ITCH: variants seen among roughly 807,000 people sequenced by gnomAD.
ITCH encodes E3 ubiquitin-protein ligase Itchy homolog.
Under a neutral mutation model 126.8 loss-of-function variants are expected in ITCH, and 28 were observed. The ratio of observed to expected loss-of-function variants is 0.22; its 90% CI spans 0.16 to 0.30. The LOEUF is 0.30. Among genes scored for constraint, ITCH ranks in the 10% least tolerant of loss-of-function variants. ITCH has a pLI of 1.00. For missense variants in ITCH, 631 were observed against 1,032.4 expected (o/e 0.61, Z 5.33); for synonymous variants, 342 against 340.0 (o/e 1.01, Z -0.06).
At chr20:34,394,124 A>G (rs1198032823) in intron 3 of ITCH, among the ~76,000 whole-genome samples, 1 of 149,944 alleles carries the variant, frequency 6.7e-6, no homozygotes, top group Non-Finnish European at 1.5e-5. Context: ...AGGCGTGAGA[A>G]TCACTTGACT....
chr20:34,457,340 C>G, intron 12 of ITCH, 50 bp from the exon 13 acceptor site: 2 of 1,168,890 alleles, frequency 1.7e-6, no homozygotes, highest in Admixed American at 1.7e-5. Flanking sequence ...AGCAAGAAGA[C>G]TATGCCAATG....
intron 7 of ITCH, among the ~76,000 whole-genome samples, 189 bp downstream of exon 7, chr20:34,424,714 G>A (rs1481759959): frequency 6.6e-6 from 1 of 152,176 alleles, no homozygotes; most frequent in Non-Finnish European, 1.5e-5. Flanking sequence ...ATCTGGAGTG[G>A]GCTAGGGATA....
intron 23 of ITCH, 152 bp downstream of exon 23, chr20:34,492,749 T>C (rs1328940145): frequency 3.0e-6 from 2 of 655,886 alleles, no homozygotes; most frequent in South Asian, 1.7e-5. Context: ...ACCTTTAAAA[T>C]AGTTTTTAGT....
intron 12 of ITCH, among the ~76,000 whole-genome samples, chr20:34,456,214 A>ATAT (rs1985975125): frequency 5.6e-5 from 1 of 17,718 alleles, no homozygotes; most frequent in Non-Finnish European, 9.6e-5. Flanking sequence ...ATATATATAT[A>ATAT]TTTTTTTTTT....
chr20:34,394,868 CAA>C (rs2038617829), intron 3 of ITCH, among the ~76,000 whole-genome samples: 1 of 152,040 alleles, frequency 6.6e-6, no homozygotes, highest in Non-Finnish European at 1.5e-5. Context: ...TGGCCTGGGA[CAA>C]AGTCTGTTTG....
intron 13 of ITCH, among the ~76,000 whole-genome samples, chr20:34,457,784 C>CA (rs747649347): frequency 2.6e-5 from 4 of 151,546 alleles, no homozygotes; most frequent in East Asian, 3.9e-4. Flanking sequence ...CCTGTCTCTA[C>CA]AAAAAAAATC....
chr20:34,472,509 AT>A (rs1416709419), intron 16 of ITCH, among the ~76,000 whole-genome samples: 1 of 152,214 alleles, frequency 6.6e-6, no homozygotes, highest in Non-Finnish European at 1.5e-5. Context: ...TAGTGAAAAA[AT>A]GTCTTAAAAT....
At chr20:34,495,953 C>T (rs982529046) in intron 23 of ITCH, among the ~76,000 whole-genome samples, 1 of 143,110 alleles carries the variant, frequency 7.0e-6, no homozygotes. Context: ...AAAAAATTAG[C>T]TGAGAGTGGT....
At chr20:34,450,076 A>G (rs1985004405) in intron 12 of ITCH, among the ~76,000 whole-genome samples, 1 of 152,194 alleles carries the variant, frequency 6.6e-6, no homozygotes. Flanking sequence ...TATACATGAG[A>G]TAATGCATAG....
In ITCH at chr20:34,406,252, C is replaced by G. The variant is rs1002544232; in HGVS notation, c.71-2399C>G. 5.3e-4 allele frequency among the ~76,000 whole-genome samples: 80 copies of G among 152,152 alleles called. 1 individual carries two copies. Among genetic ancestry groups the G allele is most frequent in the Non-Finnish European group, 2.1e-4 (14 of 67,998 alleles). On this transcript the variant is annotated intron_variant, in intron 3 of 24. Coordinates refer to ENST00000374864, the MANE Select transcript of ITCH (RefSeq NM_031483.7). ...CTATGTTGACCAGGCTTTGTTCAAA[C>G]TCCTGGGCCTCAAGTGATCTTCCTG...
At chr20:34,415,264 A>C (rs544479686) in intron 6 of ITCH, among the ~76,000 whole-genome samples, 2 of 152,270 alleles carry the variant, frequency 1.3e-5, no homozygotes, top group East Asian at 3.9e-4. Context: ...GACTTTTAAA[A>C]ATAGCAGGAC....
At chr20:34,419,832 A>G (rs559530301) in intron 6 of ITCH, among the ~76,000 whole-genome samples, 6 of 152,146 alleles carry the variant, frequency 3.9e-5, no homozygotes, top group Admixed American at 2.0e-4. Flanking sequence ...TTGTGTCCGT[A>G]GGCCATTCAC....
At chr20:34,481,528 T>C (rs1438364484) in intron 20 of ITCH, among the ~76,000 whole-genome samples, 1 of 152,152 alleles carries the variant, frequency 6.6e-6, no homozygotes, top group East Asian at 1.9e-4. Context: ...ATTAATCCAC[T>C]TTCCTGCTGC....
intron 3 of ITCH, among the ~76,000 whole-genome samples, chr20:34,398,064 C>CA (rs562841278): frequency 3.8e-4 from 58 of 151,090 alleles, no homozygotes; most frequent in Admixed American, 3.7e-3. Context: ...ATAGCCATCT[C>CA]AGATTTTTTT....
intron 12 of ITCH, among the ~76,000 whole-genome samples, chr20:34,452,392 C>A (rs1985373925): frequency 1.3e-5 from 2 of 152,174 alleles, no homozygotes; most frequent in South Asian, 4.1e-4. Flanking sequence ...ATTTTACAGT[C>A]TGCTTATTTT....
intron 10 of ITCH, among the ~76,000 whole-genome samples, chr20:34,444,687 G>T (rs556630142): frequency 3.3e-5 from 5 of 152,296 alleles, no homozygotes; most frequent in Non-Finnish European, 7.4e-5. Context: ...TGTTGCCCAG[G>T]CTGGAGTGTA....
At chr20:34,449,223 G>C (rs1984858423) in intron 11 of ITCH, among the ~76,000 whole-genome samples, 188 bp from the exon 12 acceptor site, 1 of 152,044 alleles carries the variant, frequency 6.6e-6, no homozygotes, top group Non-Finnish European at 1.5e-5. Flanking sequence ...GTTAGGTAAT[G>C]TTTGCACCGG....
chr20:34,425,542 C>G (rs979147824), intron 7 of ITCH, among the ~76,000 whole-genome samples: 1 of 152,132 alleles, frequency 6.6e-6, no homozygotes, highest in Admixed American at 6.6e-5. Flanking sequence ...GCCAACCATT[C>G]GTTCTATTCT....
At chr20:34,408,387 T>C (rs1430557267) in intron 3 of ITCH, among the ~76,000 whole-genome samples, 1 of 152,220 alleles carries the variant, frequency 6.6e-6, no homozygotes, top group Non-Finnish European at 1.5e-5. Flanking sequence ...ATGTGTACTT[T>C]TTAATTGATC....
Sources: allele counts gnomAD v4.1 joint callset (sites outside exome capture counted in the v4.1 genomes callset), GRCh38; gene constraint gnomAD v4.1.1; transcripts MANE v1.5; gene names NCBI Gene and HGNC (gene_info 2026-07-23, HGNC 2026-07-21).